The following STK32B variants were observed in gnomAD, a reference collection of about 807,000 sequenced individuals.
STK32B encodes the protein serine/threonine-protein kinase 32B.
In STK32B, 43 loss-of-function variants were observed where a neutral mutation model predicts 52.6. That is an observed-to-expected ratio of 0.82 (90% CI 0.64 to 1.05). The LOEUF is 1.05. STK32B is among the 50% of genes least tolerant of loss of function. The pLI, the probability that STK32B is intolerant of heterozygous loss-of-function variation, is 0.00. For missense variants in STK32B, 621 were observed against 534.6 expected (o/e 1.16, Z -1.59); for synonymous variants, 238 against 204.3 (o/e 1.17, Z -1.41).
intron 3 of STK32B, among the ~76,000 whole-genome samples, chr4:5,249,174 C>T (rs1725696836): frequency 6.6e-6 from 1 of 152,158 alleles, no homozygotes; most frequent in African/African-American, 2.4e-5. Flanking sequence ...CTGCTACAGG[C>T]AAGCATTTTA....
At chr4:5,073,937 G>A (rs1452838385) in intron 1 of STK32B, among the ~76,000 whole-genome samples, 2 of 151,674 alleles carry the variant, frequency 1.3e-5, no homozygotes, top group Admixed American at 1.3e-4. Flanking sequence ...TCAAGATGTG[G>A]TTTTCTTTCC....
At chr4:5,152,299 T>C (rs1560180214) in intron 2 of STK32B, among the ~76,000 whole-genome samples, 2 of 152,230 alleles carry the variant, frequency 1.3e-5, no homozygotes, top group Non-Finnish European at 2.9e-5. Context: ...TGCCTTGCTT[T>C]CTAAAATTTT....
chr4:5,305,191 T>C (rs1729845035), intron 3 of STK32B, among the ~76,000 whole-genome samples: 1 of 152,138 alleles, frequency 6.6e-6, no homozygotes, highest in Non-Finnish European at 1.5e-5. Flanking sequence ...ATTAGGGTGA[T>C]ACTGGCTTCA....
intron 8 of STK32B, among the ~76,000 whole-genome samples, chr4:5,458,007 G>A (rs1020205502): frequency 1.3e-5 from 2 of 152,062 alleles, no homozygotes; most frequent in African/African-American, 4.8e-5. Flanking sequence ...TTGACTTTCT[G>A]CAGGAACTGT....
At chr4:5,284,543 C>G (rs1310426348) in intron 3 of STK32B, among the ~76,000 whole-genome samples, 1 of 152,048 alleles carries the variant, frequency 6.6e-6, no homozygotes, top group African/African-American at 2.4e-5. Flanking sequence ...TGTATTAAAG[C>G]TTACACACAA....
At chr4:5,405,284 G>C (rs1242416879) in intron 5 of STK32B, among the ~76,000 whole-genome samples, 1 of 151,678 alleles carries the variant, frequency 6.6e-6, no homozygotes, top group African/African-American at 2.4e-5. Context: ...CAAGAGCTTG[G>C]AGGACCAGGA....
intron 1 of STK32B, among the ~76,000 whole-genome samples, chr4:5,096,242 C>T (rs1300883057): frequency 6.6e-6 from 1 of 152,212 alleles, no homozygotes. Flanking sequence ...TTAGAATTTT[C>T]AGACAGCTAG....
At chr4:5,181,550 C>T (rs983883515) in intron 3 of STK32B, among the ~76,000 whole-genome samples, 4 of 152,166 alleles carry the variant, frequency 2.6e-5, no homozygotes, top group Admixed American at 1.3e-4. Context: ...TACAGGCATA[C>T]GTCGGAAATA....
intron 4 of STK32B, among the ~76,000 whole-genome samples, chr4:5,335,816 TA>T (rs563945521): frequency 6.6e-6 from 1 of 152,126 alleles, no homozygotes; most frequent in Non-Finnish European, 1.5e-5. Flanking sequence ...TCCTGAGTTG[TA>T]GTTTGATTGC....
At chr4:5,323,296 C>A (rs1354259672) in intron 3 of STK32B, among the ~76,000 whole-genome samples, 1 of 152,012 alleles carries the variant, frequency 6.6e-6, no homozygotes, top group Non-Finnish European at 1.5e-5. Flanking sequence ...ACCTGCAAGT[C>A]CCCCTCCACC....
At chr4:5,489,432 A>G (rs1362280051) in intron 11 of STK32B, among the ~76,000 whole-genome samples, 2 of 152,302 alleles carry the variant, frequency 1.3e-5, no homozygotes, top group South Asian at 2.1e-4. Flanking sequence ...AATTAATTCT[A>G]TTCATCAAGT....
intron 3 of STK32B, among the ~76,000 whole-genome samples, chr4:5,306,645 T>C (rs1365009075): frequency 6.6e-6 from 1 of 152,178 alleles, no homozygotes; most frequent in Non-Finnish European, 1.5e-5. Flanking sequence ...CATTCAACAT[T>C]AGCATGGAGA....
chr4:5,228,140 T>G (rs191151962), intron 3 of STK32B, among the ~76,000 whole-genome samples: 3 of 152,150 alleles, frequency 2.0e-5, no homozygotes, highest in Non-Finnish European at 4.4e-5. Context: ...TCACCACCAA[T>G]GTGTTTGTGC....
chr4:5,109,515 G>A (rs1577074027), intron 1 of STK32B, among the ~76,000 whole-genome samples: 1 of 152,184 alleles, frequency 6.6e-6, no homozygotes, highest in African/African-American at 2.4e-5. Flanking sequence ...CAAGGACCGT[G>A]TGATCATCTC....
At chr4:5,283,182 G>C (rs1728319672) in intron 3 of STK32B, among the ~76,000 whole-genome samples, 1 of 151,948 alleles carries the variant, frequency 6.6e-6, no homozygotes, top group Admixed American at 6.6e-5. Context: ...TTCCCTCCCT[G>C]TGCCTGGCTT....
At chr4:5,498,022 C>T (rs56172414) in intron 11 of STK32B, among the ~76,000 whole-genome samples, 1,607 of 152,180 alleles carry the variant, frequency 0.011, 13 homozygotes, top group Middle Eastern at 0.034. Flanking sequence ...ATCCCCTTAG[C>T]CTCCTGCAAA....
intron 11 of STK32B, among the ~76,000 whole-genome samples, chr4:5,495,051 G>C (rs1406075955): frequency 2.0e-5 from 3 of 152,064 alleles, no homozygotes; most frequent in Non-Finnish European, 2.9e-5. Flanking sequence ...ACAATTATGT[G>C]TCTTGGAGTT....
At chr4:5,322,492 G>A (rs1210054362) in intron 3 of STK32B, among the ~76,000 whole-genome samples, 1 of 152,194 alleles carries the variant, frequency 6.6e-6, no homozygotes, top group African/African-American at 2.4e-5. Flanking sequence ...AAACACAGGA[G>A]ATGAGTGTTG....
At chr4:5,310,022 C>G (rs374124871) in intron 3 of STK32B, among the ~76,000 whole-genome samples, 1 of 151,936 alleles carries the variant, frequency 6.6e-6, no homozygotes, top group African/African-American at 2.4e-5. Flanking sequence ...AAAAATTAGC[C>G]GGGCGTGGTG....
Sources: allele counts gnomAD v4.1 joint callset (sites outside exome capture counted in the v4.1 genomes callset), GRCh38; gene constraint gnomAD v4.1.1; transcripts MANE v1.5; gene names NCBI Gene and HGNC (gene_info 2026-07-23, HGNC 2026-07-21).